The following RUFY1 variants were observed in gnomAD, a reference collection of about 807,000 sequenced individuals.
RUFY1 encodes the protein RUN and FYVE domain containing 1, also known as RUN and FYVE domain-containing protein 1.
Under a neutral mutation model 94.6 loss-of-function variants are expected in RUFY1, and 54 were observed. That is an observed-to-expected ratio of 0.57 (90% confidence interval 0.46 to 0.72). RUFY1 has a LOEUF of 0.72. Ranked by LOEUF, RUFY1 falls within the 30% of genes least tolerant of loss-of-function variation. The pLI is 0.00. For missense variants in RUFY1, 883 were observed against 883.9 expected, an observed-to-expected ratio of 1.00 and a Z score of 0.01; for synonymous variants, 396 against 347.3, an observed-to-expected ratio of 1.14 and a Z score of -1.56.
chr5:179,563,370 T>C (rs905392549), intron 3 of RUFY1, among the ~76,000 whole-genome samples: 1 of 152,238 alleles, frequency 6.6e-6, no homozygotes, highest in African/African-American at 2.4e-5. Flanking sequence ...TTATCTCATT[T>C]AATCCTCCAC....
At chr5:179,577,231 GCA>G (rs1182364552) in intron 6 of RUFY1, 95 bp downstream of exon 6, 5 of 798,056 alleles carry the variant, frequency 6.3e-6, no homozygotes, top group South Asian at 1.6e-5. Flanking sequence ...GAGTCCAGTG[GCA>G]CAGTCTTGGC....
chr5:179,567,308 G>A (rs529792466), intron 3 of RUFY1, among the ~76,000 whole-genome samples, 153 bp from the exon 4 acceptor site: 139 of 152,318 alleles, frequency 9.1e-4, no homozygotes, highest in Non-Finnish European at 1.5e-3. Context: ...CCCAGGCCAT[G>A]TGCATCCCTC....
intron 2 of RUFY1, among the ~76,000 whole-genome samples, chr5:179,562,320 T>C (rs890950027): frequency 6.6e-6 from 1 of 151,994 alleles, no homozygotes; most frequent in Non-Finnish European, 1.5e-5. Flanking sequence ...AGGCAGAGAA[T>C]TGCTTGAACC....
In RUFY1 at chr5:179,577,024, T is replaced by G. The variant is rs767680147; in HGVS notation, c.829-51T>G. The G allele has an allele frequency of 2.4e-6, 3 of 1,246,218 alleles. No individual in the cohort carries two copies. The Admixed American group carries it at 5.3e-5, about 22-fold the overall frequency. The allele number at this position is 1,246,218 out of a possible 1,614,324, so 77.2% of individuals were successfully genotyped here. A position where few individuals can be genotyped will look rare whatever the true frequency, so the allele number is the denominator to read the frequency against. ...ACCTGAATTTCAAAGGTTGTAAAGTTTATGAAAAATAGGACATTTTATTTA... is the reference window on the plus strand; with the variant it reads ...ACCTGAATTTCAAAGGTTGTAAAGTGTATGAAAAATAGGACATTTTATTTA... On this transcript the variant is annotated intron_variant, in intron 5 of 17. Coordinates refer to ENST00000319449, the MANE Select transcript of RUFY1 (RefSeq NM_025158.5).
intron 3 of RUFY1, among the ~76,000 whole-genome samples, chr5:179,566,407 C>T (rs574883302): frequency 6.6e-6 from 1 of 151,922 alleles, no homozygotes; most frequent in Non-Finnish European, 1.5e-5. Flanking sequence ...GAGTTTGAGA[C>T]TAGCCTGGCC....
intron 1 of RUFY1, among the ~76,000 whole-genome samples, chr5:179,558,243 A>T (rs1430788557): frequency 6.6e-6 from 1 of 152,202 alleles, no homozygotes; most frequent in East Asian, 1.9e-4. Context: ...TTTAAAATTT[A>T]TAAATATAAT....
chr5:179,551,620 C>G (rs377398176), intron 1 of RUFY1, among the ~76,000 whole-genome samples: 2 of 151,366 alleles, frequency 1.3e-5, no homozygotes, highest in East Asian at 2.0e-4. Flanking sequence ...CTCAGCCTCC[C>G]GAGTAGCTGG....
intron 1 of RUFY1, among the ~76,000 whole-genome samples, chr5:179,557,411 CAA>C (rs1435807986): frequency 1.3e-5 from 2 of 152,162 alleles, no homozygotes; most frequent in Non-Finnish European, 2.9e-5. Flanking sequence ...GCCTGGACAA[CAA>C]GAGCAAAACT....
intron 6 of RUFY1, 35 bp downstream of exon 6, chr5:179,577,171 T>TTTC: frequency 7.8e-7 from 1 of 1,288,038 alleles, no homozygotes; most frequent in Non-Finnish European, 1.1e-6. Flanking sequence ...TTTTTTTTTT[T>TTTC]TTTTTTTTTT....
chr5:179,601,273 G>A (rs143893801), intron 14 of RUFY1, among the ~76,000 whole-genome samples: 2,138 of 151,384 alleles, frequency 0.014, 60 homozygotes, highest in African/African-American at 0.047. Context: ...GGTTCAAGCA[G>A]TTCTCTTGCC....
chr5:179,560,474 C>CT (rs1303903510), intron 2 of RUFY1, among the ~76,000 whole-genome samples: 1 of 151,868 alleles, frequency 6.6e-6, no homozygotes, highest in Non-Finnish European at 1.5e-5. Flanking sequence ...AATCCCAGCA[C>CT]TTTGGGAGGC....
Position 179,598,792 on chromosome 5 carries a change from G to A in RUFY1, c.1732G>A (p.Glu578Lys), listed in dbSNP as rs1306660008. The change falls in exon 14 of 18, where the codon GAG becomes AAG. Residue 578 changes from glutamate to lysine, a missense_variant. Transcript: ENST00000319449. ...AGACACTTCCTCTCTACTCAGGATGGAGCTGCAACAAGTGGAAGGACTGAA... is the reference window on the plus strand; with the variant it reads ...AGACACTTCCTCTCTACTCAGGATGAAGCTGCAACAAGTGGAAGGACTGAA... ...EKDTSSLLRM[E>K]LQQVEGLKKE... 6.2e-7 allele frequency: 1 copy of A among 1,614,220 alleles called. No individual in the cohort carries two copies. The highest frequency in any genetic ancestry group is 1.7e-5 in the Admixed American group (1 of 60,026).
chr5:179,571,612 G>GGCTA (rs1461355275), intron 5 of RUFY1, among the ~76,000 whole-genome samples: 1 of 151,990 alleles, frequency 6.6e-6, no homozygotes, highest in Non-Finnish European at 1.5e-5. Flanking sequence ...AAAGTATACA[G>GGCTA]GCTACATTTT....
At chr5:179,602,107 C>T (rs1766495575) in intron 15 of RUFY1, 121 bp downstream of exon 15, 9 of 752,618 alleles carry the variant, frequency 1.2e-5, no homozygotes, top group African/African-American at 3.5e-5. Context: ...GAGCTCAGTC[C>T]GCCGTTCACG....
chr5:179,551,299 T>C (rs1761834191), intron 1 of RUFY1, among the ~76,000 whole-genome samples: 1 of 152,248 alleles, frequency 6.6e-6, no homozygotes, highest in African/African-American at 2.4e-5. Flanking sequence ...CGCTCACCTC[T>C]GCCTGTGAGA....
chr5:179,560,530 T>C (rs1463453799), intron 2 of RUFY1, among the ~76,000 whole-genome samples: 9 of 150,434 alleles, frequency 6.0e-5, no homozygotes, highest in East Asian at 2.0e-4. Flanking sequence ...CCATCCTGGC[T>C]AACACGGTGA....
At chr5:179,569,830 C>T (rs1196920010) in intron 5 of RUFY1, among the ~76,000 whole-genome samples, 6 of 152,102 alleles carry the variant, frequency 3.9e-5, no homozygotes, top group African/African-American at 1.4e-4. Context: ...CTGCAACCTC[C>T]GCCTCCCGGG....
chr5:179,594,036 G>A (rs565859038), intron 11 of RUFY1, among the ~76,000 whole-genome samples: 3 of 152,318 alleles, frequency 2.0e-5, no homozygotes, highest in South Asian at 2.1e-4. Context: ...CAGGCACGGT[G>A]GCTCACGCTT....
At chr5:179,593,061 C>T (rs1429604600) in intron 10 of RUFY1, among the ~76,000 whole-genome samples, 1 of 152,060 alleles carries the variant, frequency 6.6e-6, no homozygotes, top group African/African-American at 2.4e-5. Flanking sequence ...CTATTCTCAC[C>T]TTCAGTTTGT....
Sources: allele counts gnomAD v4.1 joint callset (sites outside exome capture counted in the v4.1 genomes callset), GRCh38; gene constraint gnomAD v4.1.1; transcripts MANE v1.5; gene names NCBI Gene and HGNC (gene_info 2026-07-23, HGNC 2026-07-21).